AIG1: variants seen among roughly 807,000 people sequenced by gnomAD.
AIG1 encodes androgen induced 1.
A neutral mutation model predicts 31.4 loss-of-function variants in AIG1; 23 were observed. That is an observed-to-expected ratio of 0.73 (90% CI 0.53 to 1.04). The LOEUF (loss-of-function observed/expected upper bound fraction) is 1.04. Ranked by LOEUF, AIG1 falls within the 50% of genes least tolerant of loss-of-function variation. The pLI, the probability that AIG1 is intolerant of heterozygous loss-of-function variation, is 0.00. For synonymous variants in AIG1, 100 were observed against 110.5 expected (o/e 0.90, Z 0.60); for missense variants, 274 against 295.0 (o/e 0.93, Z 0.52).
chr6:143,129,903 T>C (rs927337701), intron 1 of AIG1, among the ~76,000 whole-genome samples: 5 of 152,086 alleles, frequency 3.3e-5, no homozygotes, highest in Admixed American at 3.3e-4. Flanking sequence ...GTTCCTCTAT[T>C]TTTGGTAATA....
At chr6:143,302,905 A>C (rs1357508453) in intron 4 of AIG1, among the ~76,000 whole-genome samples, 1 of 152,074 alleles carries the variant, frequency 6.6e-6, no homozygotes, top group Non-Finnish European at 1.5e-5. Flanking sequence ...TGACTTTTTA[A>C]TGATTGCCAT....
In AIG1 at chr6:143,256,586, G is replaced by A. The variant is rs530305909; in HGVS notation, c.400-27524G>A. ...CCAAACAAAATCTTCCATGGACATC[G>A]AGCAGATAAAAATGGAACCGTTACA... On this transcript the variant is annotated intron_variant, in intron 3 of 5. Transcript: ENST00000357847. The surrounding 1 kb of genome is among the most constrained non-coding windows in gnomAD (Gnocchi z 4.6). Among the ~76,000 whole-genome samples, 12 of 152,208 alleles carry A rather than the reference G, an allele frequency of 7.9e-5. No individual in the cohort carries two copies. The highest frequency in any genetic ancestry group is 1.9e-4 in the East Asian group (1 of 5,186).
chr6:143,093,247 C>T (rs116202270), intron 1 of AIG1, among the ~76,000 whole-genome samples: 1 of 151,982 alleles, frequency 6.6e-6, no homozygotes, highest in Non-Finnish European at 1.5e-5. Context: ...GTATAACTTG[C>T]TGCAACTTCT....
chr6:143,270,698 G>T (rs1796454495), intron 3 of AIG1, among the ~76,000 whole-genome samples: 1 of 152,222 alleles, frequency 6.6e-6, no homozygotes, highest in African/African-American at 2.4e-5. Context: ...AAATAAGTTA[G>T]TATTTCTCTA....
chr6:143,089,050 A>C (rs1779060709), intron 1 of AIG1, among the ~76,000 whole-genome samples: 1 of 152,024 alleles, frequency 6.6e-6, no homozygotes, highest in South Asian at 2.1e-4. Context: ...ATCTCTACTA[A>C]AAATACAAAA....
chr6:143,151,828 G>C (rs780786213), intron 2 of AIG1, among the ~76,000 whole-genome samples: 1 of 152,212 alleles, frequency 6.6e-6, no homozygotes, highest in Non-Finnish European at 1.5e-5. Flanking sequence ...CGAATTCTGG[G>C]TGAACTTGAA....
At chr6:143,209,197 A>G (rs1791389469) in intron 3 of AIG1, among the ~76,000 whole-genome samples, 1 of 152,206 alleles carries the variant, frequency 6.6e-6, no homozygotes, top group Non-Finnish European at 1.5e-5. Context: ...GTTGTGATCC[A>G]TTTACCACGT....
intron 2 of AIG1, among the ~76,000 whole-genome samples, chr6:143,164,434 C>CA (rs1786722557): frequency 1.3e-5 from 2 of 152,206 alleles, no homozygotes; most frequent in African/African-American, 4.8e-5. Context: ...CCAAAACAAA[C>CA]CTTTGGAACC....
intron 3 of AIG1, among the ~76,000 whole-genome samples, chr6:143,237,000 A>G (rs1793855442): frequency 6.6e-6 from 1 of 152,138 alleles, no homozygotes; most frequent in African/African-American, 2.4e-5. Flanking sequence ...TTTTGCATGT[A>G]AGGAAATTGG....
intron 4 of AIG1, among the ~76,000 whole-genome samples, chr6:143,311,645 C>T (rs938680447): frequency 6.6e-6 from 1 of 151,692 alleles, no homozygotes; most frequent in East Asian, 1.9e-4. Flanking sequence ...TCTCAGAAGA[C>T]TATAAATAGA....
chr6:143,207,684 T>C (rs561410288), intron 3 of AIG1, among the ~76,000 whole-genome samples: 1 of 152,262 alleles, frequency 6.6e-6, no homozygotes, highest in African/African-American at 2.4e-5. Context: ...TCATAGAAGG[T>C]GAGTTCTTCC....
intron 2 of AIG1, among the ~76,000 whole-genome samples, chr6:143,143,528 A>AAATATATATATATATAT (rs1554249782): frequency 3.6e-5 from 1 of 27,794 alleles, no homozygotes; most frequent in Non-Finnish European, 7.9e-5. Flanking sequence ...AAAAAAAAAA[A>AAATATATATATATATAT]ATATATATAT....
At chr6:143,174,649 C>T (rs930120344) in intron 3 of AIG1, among the ~76,000 whole-genome samples, 6 of 152,030 alleles carry the variant, frequency 3.9e-5, no homozygotes, top group African/African-American at 1.4e-4. Context: ...AATTCTTATC[C>T]ATTCTGCCAT....
At chr6:143,089,227 A>AT (rs35549441) in intron 1 of AIG1, among the ~76,000 whole-genome samples, 7 of 151,908 alleles carry the variant, frequency 4.6e-5, no homozygotes. Flanking sequence ...AAAAAAAAAA[A>AT]GACTGCTTAG....
downstream of AIG1, chr6:143,342,913 G>C: frequency 1.1e-6 from 1 of 898,064 alleles, no homozygotes. Context: ...TCACATGGCA[G>C]CAAATATGTA....
At chr6:143,341,811 A>G (rs1252900296), downstream of AIG1, among the ~76,000 whole-genome samples, 1 of 152,246 alleles carries the variant, frequency 6.6e-6, no homozygotes, top group African/African-American at 2.4e-5. Context: ...TTGGAGGATG[A>G]TAAATTATTG....
chr6:143,202,760 T>G (rs1473069119), intron 3 of AIG1, among the ~76,000 whole-genome samples: 1 of 152,138 alleles, frequency 6.6e-6, no homozygotes, highest in East Asian at 1.9e-4. Flanking sequence ...GGAACCTGGA[T>G]TTGATTTCTA....
chr6:143,106,034 C>T (rs960338275), intron 1 of AIG1, among the ~76,000 whole-genome samples: 9 of 152,138 alleles, frequency 5.9e-5, no homozygotes, highest in Middle Eastern at 3.2e-3. Context: ...ATGTTGAGTT[C>T]CTAACCTCAG....
intron 2 of AIG1, among the ~76,000 whole-genome samples, chr6:143,139,414 C>T (rs773014766): frequency 5.9e-5 from 9 of 152,052 alleles, no homozygotes; most frequent in Non-Finnish European, 1.0e-4. Flanking sequence ...CAGGGCCTCC[C>T]GTGTCACCCA....
Sources: allele counts gnomAD v4.1 joint callset (sites outside exome capture counted in the v4.1 genomes callset), GRCh38; gene constraint gnomAD v4.1.1; non-coding constraint Gnocchi (gnomAD v3.1); transcripts MANE v1.5; gene names NCBI Gene and HGNC (gene_info 2026-07-23, HGNC 2026-07-21).